The following SEMA5A variants were observed in gnomAD, a reference collection of about 807,000 sequenced individuals.
SEMA5A encodes the protein semaphorin 5A, also known as semaphorin-5A.
SEMA5A carries 55 observed loss-of-function variants against 135.5 expected under a neutral mutation model. The observed-to-expected ratio is 0.41, with a 90% CI of 0.33 to 0.51. The LOEUF (loss-of-function observed/expected upper bound fraction) is 0.51, where lower values mean the gene tolerates loss of function less well. Among genes scored for constraint, SEMA5A ranks in the 20% least tolerant of loss-of-function variants. The pLI, the probability that SEMA5A is intolerant of heterozygous loss-of-function variation, is 0.37. For missense variants in SEMA5A, 1,290 were observed against 1,419.9 expected (o/e 0.91, Z 1.47); for synonymous variants, 580 against 546.5 (o/e 1.06, Z -0.85).
intron 11 of SEMA5A, among the ~76,000 whole-genome samples, chr5:9,175,979 T>C (rs1415530825): frequency 1.3e-5 from 2 of 152,228 alleles, no homozygotes; most frequent in Non-Finnish European, 2.9e-5. Flanking sequence ...CTGGTGTTCA[T>C]GTTCTATGTA....
intron 18 of SEMA5A, among the ~76,000 whole-genome samples, chr5:9,060,075 C>T (rs907708642): frequency 1.3e-5 from 2 of 152,066 alleles, no homozygotes; most frequent in East Asian, 1.9e-4. Flanking sequence ...GGGTCATGCC[C>T]GATCATATGT....
chr5:9,055,121 G>A (rs1046398312), intron 18 of SEMA5A, among the ~76,000 whole-genome samples: 2 of 152,146 alleles, frequency 1.3e-5, no homozygotes, highest in Non-Finnish European at 2.9e-5. Context: ...GAATCTGGGA[G>A]ACTTTAAGAG....
intron 8 of SEMA5A, among the ~76,000 whole-genome samples, chr5:9,215,359 CA>C (rs1376708502): frequency 2.0e-5 from 3 of 151,812 alleles, no homozygotes; most frequent in African/African-American, 4.9e-5. Flanking sequence ...ATCCCCCAAC[CA>C]AAAAAATATG....
intron 5 of SEMA5A, among the ~76,000 whole-genome samples, chr5:9,281,176 AC>A (rs1279917876): frequency 1.3e-5 from 2 of 152,216 alleles, no homozygotes; most frequent in Non-Finnish European, 2.9e-5. Context: ...CAGTTACTGT[AC>A]TTTGATAATG....
chr5:9,358,021 A>G (rs946604090), intron 3 of SEMA5A, among the ~76,000 whole-genome samples: 21 of 152,172 alleles, frequency 1.4e-4, no homozygotes, highest in Non-Finnish European at 3.1e-4. Context: ...GAGACAGTGG[A>G]TCATCTGGAG....
intron 8 of SEMA5A, among the ~76,000 whole-genome samples, chr5:9,213,598 G>A (rs1279834961): frequency 6.6e-6 from 1 of 152,182 alleles, no homozygotes; most frequent in Non-Finnish European, 1.5e-5. Context: ...GCAAACTCTA[G>A]CCCATGGGCC....
chr5:9,421,681 C>T (rs1053185407), intron 2 of SEMA5A, among the ~76,000 whole-genome samples: 1 of 152,112 alleles, frequency 6.6e-6, no homozygotes, highest in East Asian at 1.9e-4. Context: ...CCTTACCTGT[C>T]ATGGGTGTTA....
At chr5:9,330,419 T>A (rs372703120) in intron 4 of SEMA5A, among the ~76,000 whole-genome samples, 1 of 151,220 alleles carries the variant, frequency 6.6e-6, no homozygotes, top group African/African-American at 2.4e-5. Flanking sequence ...CAGATTAGTT[T>A]TTTTTGTTTT....
chr5:9,359,857 G>A (rs922750281), intron 3 of SEMA5A, among the ~76,000 whole-genome samples: 2 of 152,038 alleles, frequency 1.3e-5, no homozygotes, highest in Admixed American at 1.3e-4. Flanking sequence ...AGAACCACTG[G>A]GGCAGAAGAG....
chr5:9,187,084 T>C (rs2150340577), intron 11 of SEMA5A, among the ~76,000 whole-genome samples: 1 of 150,938 alleles, frequency 6.6e-6, no homozygotes, highest in East Asian at 2.0e-4. Flanking sequence ...GAATTCAAAA[T>C]GTCAAAATCT....
intron 5 of SEMA5A, among the ~76,000 whole-genome samples, chr5:9,238,690 CA>C (rs1187716158): frequency 6.6e-6 from 1 of 151,160 alleles, no homozygotes; most frequent in Non-Finnish European, 1.5e-5. Context: ...CAAATTGAGG[CA>C]CCTGGGCTTT....
chr5:9,119,178 C>T (rs374507521), intron 14 of SEMA5A, 37 bp from the exon 15 acceptor site: 266 of 1,603,424 alleles, frequency 1.7e-4, no homozygotes, highest in Non-Finnish European at 1.2e-4. Flanking sequence ...TTAGGTCCCG[C>T]AGGCTCAGAG....
intron 3 of SEMA5A, among the ~76,000 whole-genome samples, chr5:9,352,218 C>A (rs1270514628): frequency 6.6e-6 from 1 of 152,098 alleles, no homozygotes; most frequent in Non-Finnish European, 1.5e-5. Flanking sequence ...TGCAGTCCTA[C>A]ATGTCATCTG....
chr5:9,296,790 T>C (rs1032943583), intron 5 of SEMA5A, among the ~76,000 whole-genome samples: 2 of 151,676 alleles, frequency 1.3e-5, no homozygotes, highest in Non-Finnish European at 2.9e-5. Context: ...TTTTACAATT[T>C]TTAAATTTCA....
chr5:9,509,089 G>A (rs1004532338), intron 1 of SEMA5A, among the ~76,000 whole-genome samples: 9 of 152,042 alleles, frequency 5.9e-5, no homozygotes, highest in African/African-American at 1.7e-4. Flanking sequence ...GGTACAAGGT[G>A]GTGCTTTCTA....
At chr5:9,212,971 G>C (rs1451545243) in intron 8 of SEMA5A, among the ~76,000 whole-genome samples, 2 of 152,210 alleles carry the variant, frequency 1.3e-5, no homozygotes, top group South Asian at 2.1e-4. Context: ...TGGAGGCTGG[G>C]AAGTCTATGA....
intron 1 of SEMA5A, among the ~76,000 whole-genome samples, chr5:9,470,918 G>A (rs1168639183): frequency 1.3e-5 from 2 of 152,174 alleles, no homozygotes; most frequent in African/African-American, 4.8e-5. Context: ...ATTTTAATAT[G>A]AGTAGCTTAT....
intron 7 of SEMA5A, among the ~76,000 whole-genome samples, chr5:9,226,496 C>T (rs1032644226): frequency 3.3e-5 from 5 of 151,856 alleles, no homozygotes; most frequent in African/African-American, 1.2e-4. Flanking sequence ...TGATTTTAGA[C>T]CATTTTAATA....
At chr5:9,364,265 G>A (rs1036138626) in intron 3 of SEMA5A, among the ~76,000 whole-genome samples, 1 of 152,112 alleles carries the variant, frequency 6.6e-6, no homozygotes, top group African/African-American at 2.4e-5. Context: ...GAACAATTTT[G>A]TGCAGACACC....
Sources: allele counts gnomAD v4.1 joint callset (sites outside exome capture counted in the v4.1 genomes callset), GRCh38; gene constraint gnomAD v4.1.1; transcripts MANE v1.5; gene names NCBI Gene and HGNC (gene_info 2026-07-23, HGNC 2026-07-21).